The following DMD variants were observed in gnomAD, a reference collection of about 807,000 sequenced individuals.
DMD encodes dystrophin.
Under a neutral mutation model 330.1 loss-of-function variants are expected in DMD, and 63 were observed. The ratio of observed to expected loss-of-function variants is 0.19; its 90% CI spans 0.16 to 0.24. The LOEUF is 0.24. DMD is among the 10% of genes least tolerant of loss of function. The pLI is 1.00. For synonymous variants in DMD, 1,223 were observed against 959.8 expected (o/e 1.27, Z -5.07); for missense variants, 3,344 against 2,684.1 (o/e 1.25, Z -5.43).
chrX:32,788,777 G>A (rs950374176), intron 7 of DMD, among the ~76,000 whole-genome samples: 1 of 112,125 alleles, frequency 8.9e-6, no homozygotes, highest in Non-Finnish European at 1.9e-5. Flanking sequence ...TATGGGATCA[G>A]ACTTCTAATT....
At chrX:31,123,454 C>T (rs1484323002) in intron 78 of DMD, among the ~76,000 whole-genome samples, 2 of 112,119 alleles carry the variant, frequency 1.8e-5, no homozygotes, top group African/African-American at 6.5e-5. Flanking sequence ...GAACTGAAAT[C>T]ATTTTTGGCT....
chrX:31,233,126 C>A (rs2047381287), intron 63 of DMD, among the ~76,000 whole-genome samples: 2 of 111,800 alleles, frequency 1.8e-5, no homozygotes, highest in Admixed American at 9.5e-5. Context: ...TGACAGGCGA[C>A]TTACAGTCAC....
At chrX:32,042,066 T>G (rs1447891497) in intron 44 of DMD, among the ~76,000 whole-genome samples, 4 of 55,217 alleles carry the variant, frequency 7.2e-5, no homozygotes, top group African/African-American at 2.9e-4. Context: ...TATATATATA[T>G]GTACACATAT....
chrX:31,968,356 C>T lies in DMD; in HGVS notation c.6597G>A (p.Leu2199=). ...CGCCCTACCTCTTTTTTCTGTCTGA[C>T]AGCTGTTTGCAGACCTCCTGCCACC... The part of the protein sequence containing the change: ...NLRWQEVCKQ[L]SDRKKRLEEQ... The change falls in exon 45 of 79, where the codon CTG becomes CTA. Residue 2199 remains leucine (L), a synonymous_variant. Transcript: ENST00000357033. 1 of 1,210,319 alleles carries T rather than the reference C, an allele frequency of 8.3e-7. No individual in the cohort carries two copies. Among genetic ancestry groups the T allele is most frequent in the Non-Finnish European group, 1.1e-6 (1 of 894,660 alleles).
At chrX:31,159,697 T>C (rs1443039450) in intron 74 of DMD, among the ~76,000 whole-genome samples, 1 of 111,537 alleles carries the variant, frequency 9.0e-6, no homozygotes, top group Non-Finnish European at 1.9e-5. Flanking sequence ...AAGACTTCTC[T>C]TCTAAGGCTT....
intron 2 of DMD, among the ~76,000 whole-genome samples, chrX:32,898,770 T>G (rs1394786917): frequency 9.0e-6 from 1 of 111,451 alleles, no homozygotes; most frequent in African/African-American, 3.3e-5. Context: ...TTCTGCTGTT[T>G]TTCTCACTTC....
intron 18 of DMD, among the ~76,000 whole-genome samples, chrX:32,512,860 G>A (rs189062420): frequency 1.8e-5 from 2 of 111,678 alleles, no homozygotes; most frequent in South Asian, 3.8e-4. Context: ...CATGATAGGG[G>A]GCATCAAGGA....
chrX:32,652,841 T>A lies in DMD; in HGVS notation c.961-7689A>T, dbSNP rs183740798. Among the ~76,000 whole-genome samples, 679 of 111,882 alleles carry A rather than the reference T, an allele frequency of 6.1e-3. 7 individuals are homozygous for A. The highest frequency in any genetic ancestry group is 0.021 in the African/African-American group (658 of 30,719). ...CAGCACCTGTTGTTTCCTGACTTTT[T>A]ATTGTTCACCATTCTAACTATGTGC... On this transcript the variant is annotated intron_variant, in intron 9 of 78. Coordinates refer to ENST00000357033, the MANE Select transcript of DMD (RefSeq NM_004006.3).
chrX:33,008,782 A>T (rs1336876072), intron 2 of DMD, among the ~76,000 whole-genome samples: 1 of 40,515 alleles, frequency 2.5e-5, no homozygotes, highest in Non-Finnish European at 4.9e-5. Context: ...AACCTAAAAC[A>T]ACTATATATA....
intron 1 of DMD, among the ~76,000 whole-genome samples, chrX:33,174,227 A>T (rs1278916615): frequency 9.1e-6 from 1 of 109,682 alleles, no homozygotes; most frequent in Non-Finnish European, 1.9e-5. Context: ...TTCTGTGACT[A>T]TGCAGGGTGG....
intron 50 of DMD, among the ~76,000 whole-genome samples, chrX:31,782,632 T>C (rs1464818587): frequency 9.0e-6 from 1 of 111,474 alleles, no homozygotes; most frequent in Non-Finnish European, 1.9e-5. Flanking sequence ...GTCTCTACAT[T>C]TGGGGTAGCT....
At chrX:31,253,916 T>A (rs1433324245) in intron 63 of DMD, among the ~76,000 whole-genome samples, 1 of 112,160 alleles carries the variant, frequency 8.9e-6, no homozygotes, top group East Asian at 2.8e-4. Flanking sequence ...TTTTGAAAAT[T>A]GAGAGCTTTC....
intron 7 of DMD, among the ~76,000 whole-genome samples, chrX:32,801,443 T>C (rs575273080): frequency 8.9e-6 from 1 of 111,761 alleles, no homozygotes; most frequent in Non-Finnish European, 1.9e-5. Context: ...TTGCAAAAAT[T>C]TTCTCCCATC....
chrX:32,042,958 G>A (rs1316173290), intron 44 of DMD, among the ~76,000 whole-genome samples: 1 of 112,151 alleles, frequency 8.9e-6, no homozygotes, highest in African/African-American at 3.2e-5. Context: ...CAATAGGGTT[G>A]CTATAGTCAG....
chrX:31,732,678 C>T (rs761918329), intron 51 of DMD, among the ~76,000 whole-genome samples: 1 of 110,869 alleles, frequency 9.0e-6, no homozygotes, highest in South Asian at 3.8e-4. Context: ...AAACTACTTG[C>T]CTCCAAAATA....
chrX:32,531,140 AGATAAAATAGTGTACAAATAATAT>A (rs1276025395), intron 17 of DMD, among the ~76,000 whole-genome samples: 2 of 111,770 alleles, frequency 1.8e-5, no homozygotes, highest in Non-Finnish European at 3.8e-5. Context: ...CCAAAGATAT[AGATAAAATAGTGTACAAATAATAT>A]GTAAGTAAGA....
chrX:31,192,297 G>A (rs2042451395), intron 67 of DMD, among the ~76,000 whole-genome samples: 1 of 111,829 alleles, frequency 8.9e-6, no homozygotes, highest in Non-Finnish European at 1.9e-5. Context: ...AAAACAGAAG[G>A]AAGGTGACAT....
At chrX:32,908,916 G>A (rs781647949) in intron 2 of DMD, among the ~76,000 whole-genome samples, 2 of 110,960 alleles carry the variant, frequency 1.8e-5, no homozygotes, top group East Asian at 5.7e-4. Context: ...GACTACAAAA[G>A]GTATCAGGAG....
chrX:31,431,192 G>A (rs2064045652), intron 60 of DMD, among the ~76,000 whole-genome samples: 1 of 111,180 alleles, frequency 9.0e-6, no homozygotes, highest in Admixed American at 9.6e-5. Context: ...ATATTAAAAG[G>A]TAGTTCAGTC....
Sources: gnomAD v4.1 joint callset for allele counts (sites outside exome capture counted in the v4.1 genomes callset) on GRCh38, gnomAD v4.1.1 for gene constraint, MANE v1.5 for transcripts, NCBI Gene and HGNC (gene_info 2026-07-23, HGNC 2026-07-21) for gene names.